The following EVI5 variants were observed in gnomAD, a reference collection of about 807,000 sequenced individuals.
The protein encoded by EVI5 is ecotropic viral integration site 5 protein homolog.
EVI5 carries 73 observed loss-of-function variants against 112.0 expected under a neutral mutation model. That is an observed-to-expected ratio of 0.65 (90% CI 0.54 to 0.79). The LOEUF (loss-of-function observed/expected upper bound fraction) is 0.79, where lower values mean the gene tolerates loss of function less well. Among genes scored for constraint, EVI5 ranks in the 30% least tolerant of loss-of-function variants. The pLI, the probability that EVI5 is intolerant of heterozygous loss-of-function variation, is 0.00. For synonymous variants in EVI5, 305 were observed against 319.9 expected (o/e 0.95, Z 0.50); for missense variants, 900 against 968.8 (o/e 0.93, Z 0.94).
chr1:92,572,638 A>G (rs528424524), intron 18 of EVI5, among the ~76,000 whole-genome samples: 326 of 152,144 alleles, frequency 2.1e-3, no homozygotes, highest in African/African-American at 7.5e-3. Flanking sequence ...CCCATTATGT[A>G]GTGGTGATAG....
chr1:92,547,941 C>T (rs1245450140), intron 19 of EVI5, among the ~76,000 whole-genome samples: 2 of 152,198 alleles, frequency 1.3e-5, no homozygotes, highest in East Asian at 1.9e-4. Flanking sequence ...GGTACCATTC[C>T]TTCTGAAACT....
At chr1:92,743,610 A>G (rs1678786152) in intron 1 of EVI5, among the ~76,000 whole-genome samples, 1 of 152,194 alleles carries the variant, frequency 6.6e-6, no homozygotes. Flanking sequence ...TGGTTGTACA[A>G]CAATATGAAT....
chr1:92,746,016 G>A (rs1181418758), intron 1 of EVI5, among the ~76,000 whole-genome samples: 2 of 152,142 alleles, frequency 1.3e-5, no homozygotes, highest in African/African-American at 4.8e-5. Context: ...GCCTAAGTTG[G>A]GTGTACAGTA....
At chr1:92,524,343 T>G (rs1442280951) in intron 19 of EVI5, among the ~76,000 whole-genome samples, 2 of 152,192 alleles carry the variant, frequency 1.3e-5, no homozygotes, top group Admixed American at 6.5e-5. Flanking sequence ...TAAATAAATT[T>G]AGATGTAAAG....
rs1471287740 is a variant in EVI5, at chr1:92,783,502, A to AAG, written c.-82+1333_-82+1334insCT. 4.4e-4 allele frequency among the ~76,000 whole-genome samples: 65 copies of AAG among 148,996 alleles called. 1 individual carries two copies. The highest frequency in any genetic ancestry group is 1.4e-3 in the Admixed American group (21 of 14,510). Reference sequence around the variant, plus strand: ...CAGCCTTAAAAAAAAAAAAAAAAAAAAAAAAGAAAAGAAAAGAAAAGAAAA... The same window carrying AAG: ...CAGCCTTAAAAAAAAAAAAAAAAAAAAGAAAAAGAAAAGAAAAGAAAAGAAAA... On this transcript the variant is annotated intron_variant, in intron 1 of 19. Transcript: ENST00000684568.
rs1045972463 is a variant in EVI5, at chr1:92,565,039, A to G, written c.2071-1302T>C. ...TGTTTTTGATGTCTCCAGATTATTT[A>G]TAATTAGGAAGCCATGTGTTGATGC... On this transcript the variant is annotated intron_variant, in intron 18 of 19. Coordinates refer to ENST00000684568, the MANE Select transcript of EVI5 (RefSeq NM_001350197.2). Among the ~76,000 whole-genome samples the G allele has an allele frequency of 2.0e-5, 3 of 152,142 alleles. No individual in the cohort carries two copies. In the East Asian group the frequency reaches 5.8e-4, roughly 29 times the overall value.
chr1:92,652,041 T>C (rs578087522), intron 13 of EVI5, among the ~76,000 whole-genome samples: 12 of 152,142 alleles, frequency 7.9e-5, no homozygotes, highest in African/African-American at 2.4e-4. Context: ...CAGATACTTA[T>C]AGGGCAATGT....
chr1:92,624,477 T>C (rs928912007), intron 15 of EVI5, 143 bp from the exon 16 acceptor site: 27 of 670,388 alleles, frequency 4.0e-5, no homozygotes, highest in Non-Finnish European at 6.9e-5. Flanking sequence ...ATCCTATTAA[T>C]CAGGCACTAT....
intron 14 of EVI5, among the ~76,000 whole-genome samples, chr1:92,635,209 A>T (rs899823365): frequency 1.8e-4 from 27 of 152,176 alleles, no homozygotes; most frequent in African/African-American, 5.8e-4. Flanking sequence ...TTCAAAGCTG[A>T]CAGACAGGGA....
rs201653656 is a variant in EVI5 at position 92,510,642 on chromosome 1, A to C, written c.*3014T>G. 6.6e-6 allele frequency: 1 copy of C among 152,240 alleles called. No homozygotes were observed. The highest frequency in any genetic ancestry group is 2.1e-4 in the South Asian group (1 of 4,836). The allele number at this position is 152,240 out of a possible 1,614,324, so 9.4% of individuals were successfully genotyped here. ...ATAAATATTTTAGGCTACCTGGGCC[A>C]TATGGTCTCCCTTGCAATGACTCAA... On this transcript the variant is annotated 3_prime_UTR_variant, in exon 20 of 20. Transcript: ENST00000684568.
At chr1:92,573,988 T>G (rs1243155984) in intron 18 of EVI5, among the ~76,000 whole-genome samples, 1 of 152,072 alleles carries the variant, frequency 6.6e-6, no homozygotes, top group Non-Finnish European at 1.5e-5. Context: ...GCAATAAATA[T>G]GGAAACAATG....
At chr1:92,760,624 C>A (rs1376054501) in intron 1 of EVI5, among the ~76,000 whole-genome samples, 1 of 151,442 alleles carries the variant, frequency 6.6e-6, no homozygotes, top group Non-Finnish European at 1.5e-5. Flanking sequence ...ATCCCAGCTT[C>A]TTGAGACGCT....
At chr1:92,734,287 T>C (rs1676985423) in intron 2 of EVI5, among the ~76,000 whole-genome samples, 2 of 152,226 alleles carry the variant, frequency 1.3e-5, no homozygotes, top group Non-Finnish European at 2.9e-5. Context: ...TTTGTATGAA[T>C]GTGTTACAAA....
chr1:92,557,558 C>A (rs2100828373), intron 19 of EVI5, among the ~76,000 whole-genome samples: 1 of 152,134 alleles, frequency 6.6e-6, no homozygotes. Flanking sequence ...CGCAGCCTCT[C>A]AGAGTGCTGG....
intron 19 of EVI5, among the ~76,000 whole-genome samples, chr1:92,554,260 A>G (rs928163630): frequency 2.6e-5 from 4 of 152,240 alleles, no homozygotes; most frequent in Non-Finnish European, 5.9e-5. Context: ...ATTTAATTCA[A>G]TTAAACAAAT....
chr1:92,560,082 A>G (rs1270042550), intron 19 of EVI5, among the ~76,000 whole-genome samples: 1 of 152,230 alleles, frequency 6.6e-6, no homozygotes, highest in African/African-American at 2.4e-5. Context: ...CACTGCTTAT[A>G]GACAGTATAA....
intron 16 of EVI5, among the ~76,000 whole-genome samples, chr1:92,608,721 G>GAAAAAAGA (rs1553202346): frequency 6.8e-6 from 1 of 146,400 alleles, no homozygotes; most frequent in Non-Finnish European, 1.5e-5. Flanking sequence ...AAAAGGAAAG[G>GAAAAAAGA]AAAAAAAAAA....
At chr1:92,688,041 C>G (rs530646388) in intron 9 of EVI5, among the ~76,000 whole-genome samples, 1 of 152,058 alleles carries the variant, frequency 6.6e-6, no homozygotes, top group South Asian at 2.1e-4. Context: ...GGGTATATAC[C>G]CAAAGGATTA....
chr1:92,745,457 A>G (rs1235219575), intron 1 of EVI5, among the ~76,000 whole-genome samples: 1 of 152,154 alleles, frequency 6.6e-6, no homozygotes, highest in Non-Finnish European at 1.5e-5. Context: ...TATATGTGCC[A>G]TATTATGCTT....
Sources: gnomAD v4.1 joint callset for allele counts (sites outside exome capture counted in the v4.1 genomes callset) on GRCh38, gnomAD v4.1.1 for gene constraint, MANE v1.5 for transcripts, NCBI Gene and HGNC (gene_info 2026-07-23, HGNC 2026-07-21) for gene names.